TTLL7: variants seen among roughly 807,000 people sequenced by gnomAD.
TTLL7 encodes the protein tubulin polyglutamylase TTLL7.
TTLL7 carries 53 observed loss-of-function variants against 120.2 expected under a neutral mutation model. That is an observed-to-expected ratio of 0.44 (90% confidence interval 0.35 to 0.55). The LOEUF (loss-of-function observed/expected upper bound fraction) is 0.55. TTLL7 is among the 20% of genes least tolerant of loss of function. TTLL7 has a pLI of 0.00. For missense variants in TTLL7, 803 were observed against 1,054.7 expected (o/e 0.76, Z 3.31); for synonymous variants, 353 against 351.7 (o/e 1.00, Z -0.04).
chr1:83,869,907 G>T lies in TTLL7; in HGVS notation c.*55C>A. ...CATGTTCTTTGCATGTTCAACTTCA[G>T]AGGAAAAAAATGAATTGCTGTTATG... On this transcript the variant is annotated 3_prime_UTR_variant, in exon 21 of 21. Coordinates refer to ENST00000260505, the MANE Select transcript of TTLL7 (RefSeq NM_024686.6). 6.3e-7 allele frequency: 1 copy of T among 1,580,548 alleles called. No homozygotes were observed. Among genetic ancestry groups the T allele is most frequent in the Non-Finnish European group, 8.6e-7 (1 of 1,169,554 alleles).
At chr1:83,893,876 A>G (rs1655997620) in intron 18 of TTLL7, among the ~76,000 whole-genome samples, 1 of 152,042 alleles carries the variant, frequency 6.6e-6, no homozygotes, top group Admixed American at 6.6e-5. Context: ...AGGAGGGAAA[A>G]CACAATCTGT....
intron 15 of TTLL7, among the ~76,000 whole-genome samples, chr1:83,909,692 G>T (rs1657518087): frequency 6.6e-6 from 1 of 152,086 alleles, no homozygotes; most frequent in Admixed American, 6.6e-5. Flanking sequence ...ATATTTTAGT[G>T]CACTATTGTC....
chr1:83,873,536 A>G (rs1262684961), intron 20 of TTLL7, among the ~76,000 whole-genome samples: 1 of 152,136 alleles, frequency 6.6e-6, no homozygotes, highest in Non-Finnish European at 1.5e-5. Context: ...TTCTTTACAT[A>G]TGAAAATGGC....
chr1:83,878,026 CACTT>C (rs1394144650), intron 20 of TTLL7, among the ~76,000 whole-genome samples: 1 of 151,626 alleles, frequency 6.6e-6, no homozygotes, highest in Non-Finnish European at 1.5e-5. Context: ...TTTTTGTTAT[CACTT>C]AGTTCAAAAT....
At chr1:83,998,681 C>G (rs1653711345) in intron 1 of TTLL7, among the ~76,000 whole-genome samples, 1 of 145,550 alleles carries the variant, frequency 6.9e-6, no homozygotes, top group Non-Finnish European at 1.5e-5. Context: ...GAGCTGAGAT[C>G]ACAGCAACTG....
intron 19 of TTLL7, 151 bp downstream of exon 19, chr1:83,890,170 T>C (rs1655340625): frequency 4.0e-6 from 3 of 749,018 alleles, no homozygotes; most frequent in Middle Eastern, 2.5e-4. Flanking sequence ...ATCAGCTTAA[T>C]TGATATAAAT....
intron 18 of TTLL7, among the ~76,000 whole-genome samples, chr1:83,899,492 C>T (rs1480091015): frequency 3.3e-5 from 5 of 151,826 alleles, no homozygotes; most frequent in East Asian, 1.9e-4. Context: ...TAGTTAAGAC[C>T]AGCCCTTTCT....
intron 9 of TTLL7, among the ~76,000 whole-genome samples, chr1:83,929,463 G>A (rs979655730): frequency 1.3e-5 from 2 of 152,000 alleles, no homozygotes; most frequent in African/African-American, 4.8e-5. Context: ...CCTTAGTTTA[G>A]GAGCTTTACT....
chr1:83,942,483 G>C lies in TTLL7; in HGVS notation c.703C>G (p.Pro235Ala). 6.2e-7 allele frequency: 1 copy of C among 1,613,696 alleles called. No individual in the cohort carries two copies. Among genetic ancestry groups the C allele is most frequent in the Non-Finnish European group, 8.5e-7 (1 of 1,179,694 alleles). ...CTTACCAAATTGGACTCATTAGGTG[G>C]AATGTACTTCTCTGTACCCATTCGC... ...LVRMGTEKYI[P>A]PNESNLTQLY... Residue 235 changes from proline to alanine, a missense_variant, in exon 7 of 21, where the codon CCA becomes GCA. By Grantham distance (27) the Pro-to-Ala change is conservative. Coordinates refer to ENST00000260505, the MANE Select transcript of TTLL7 (RefSeq NM_024686.6).
At chr1:83,897,446 T>A (rs1656329106) in intron 18 of TTLL7, among the ~76,000 whole-genome samples, 1 of 152,118 alleles carries the variant, frequency 6.6e-6, no homozygotes, top group African/African-American at 2.4e-5. Flanking sequence ...AATCAATAAA[T>A]GTTTGTTAAA....
intron 1 of TTLL7, among the ~76,000 whole-genome samples, chr1:83,959,067 T>G (rs961741147): frequency 5.3e-5 from 8 of 149,910 alleles, no homozygotes; most frequent in African/African-American, 2.0e-4. Flanking sequence ...GATTGTGAAA[T>G]TATATATTAA....
intron 13 of TTLL7, 44 bp from the exon 14 acceptor site, chr1:83,917,734 C>G: frequency 7.4e-7 from 1 of 1,344,702 alleles, no homozygotes; most frequent in Admixed American, 1.8e-5. Context: ...CTAATGGACT[C>G]TAGAATTTTT....
chr1:83,976,482 C>A (rs942598160), intron 1 of TTLL7, among the ~76,000 whole-genome samples: 4 of 151,942 alleles, frequency 2.6e-5, no homozygotes, highest in Non-Finnish European at 5.9e-5. Flanking sequence ...GTTTTTTTCA[C>A]TAGGTACAGC....
chr1:83,886,638 C>T (rs1018963506), intron 19 of TTLL7, among the ~76,000 whole-genome samples: 7 of 152,030 alleles, frequency 4.6e-5, no homozygotes, highest in South Asian at 2.1e-4. Flanking sequence ...CAAACCCCAA[C>T]AGGAAAATAC....
At chr1:83,905,980 C>A (rs1456407950) in intron 17 of TTLL7, among the ~76,000 whole-genome samples, 1 of 152,004 alleles carries the variant, frequency 6.6e-6, no homozygotes, top group Non-Finnish European at 1.5e-5. Flanking sequence ...CATATTAGTT[C>A]TTTCTAAATC....
intron 20 of TTLL7, among the ~76,000 whole-genome samples, chr1:83,877,465 C>A (rs1654024140): frequency 6.6e-6 from 1 of 151,988 alleles, no homozygotes; most frequent in Non-Finnish European, 1.5e-5. Context: ...ATGCCATCTA[C>A]AGCTGGAGTT....
chr1:83,908,059 G>T (rs1405179880), intron 15 of TTLL7, among the ~76,000 whole-genome samples: 1 of 152,072 alleles, frequency 6.6e-6, no homozygotes, highest in Admixed American at 6.6e-5. Flanking sequence ...GATCTCCATT[G>T]CCCAGAGGCT....
chr1:83,908,133 A>G (rs1657362826), intron 15 of TTLL7, among the ~76,000 whole-genome samples: 1 of 151,992 alleles, frequency 6.6e-6, no homozygotes, highest in Non-Finnish European at 1.5e-5. Flanking sequence ...TTCAATCCTG[A>G]CCCTATCTAA....
intron 8 of TTLL7, among the ~76,000 whole-genome samples, chr1:83,936,244 C>T (rs946408228): frequency 2.0e-5 from 3 of 152,136 alleles, no homozygotes; most frequent in African/African-American, 7.2e-5. Context: ...TAATGACCCT[C>T]ATTATTCTCC....
Sources: allele counts gnomAD v4.1 joint callset (sites outside exome capture counted in the v4.1 genomes callset), GRCh38; gene constraint gnomAD v4.1.1; transcripts MANE v1.5; gene names NCBI Gene and HGNC (gene_info 2026-07-23, HGNC 2026-07-21).